The following PCCB variants were observed in gnomAD, a reference collection of about 807,000 sequenced individuals.
PCCB encodes the protein propionyl-CoA carboxylase beta chain, mitochondrial.
In PCCB, 43 loss-of-function variants were observed where a neutral mutation model predicts 60.7. That is an observed-to-expected ratio of 0.71 (90% CI 0.55 to 0.91). The LOEUF (loss-of-function observed/expected upper bound fraction) is 0.91, where lower values mean the gene tolerates loss of function less well. Among genes scored for constraint, PCCB ranks in the 40% least tolerant of loss-of-function variants. PCCB has a pLI of 0.00. For synonymous variants in PCCB, 276 were observed against 255.9 expected (o/e 1.08, Z -0.75); for missense variants, 766 against 702.8 (o/e 1.09, Z -1.02).
chr3:136,267,758 G>A (rs1038268456), intron 5 of PCCB, among the ~76,000 whole-genome samples: 3 of 152,184 alleles, frequency 2.0e-5, no homozygotes, highest in South Asian at 2.1e-4. Context: ...GAGTGCTGGT[G>A]TTACTGGCAT....
chr3:136,312,785 C>T (rs922390081), intron 9 of PCCB, among the ~76,000 whole-genome samples: 12 of 152,104 alleles, frequency 7.9e-5, no homozygotes, highest in Non-Finnish European at 1.8e-4. Flanking sequence ...TCCCACTCTT[C>T]ATAGCAAAAA....
At chr3:136,314,757 G>A (rs931158097) in intron 9 of PCCB, among the ~76,000 whole-genome samples, 1 of 152,196 alleles carries the variant, frequency 6.6e-6, no homozygotes, top group African/African-American at 2.4e-5. Flanking sequence ...CTGCTTGGTG[G>A]CTGCTAGGAT....
At chr3:136,298,334 A>G (rs1008299427) in intron 8 of PCCB, among the ~76,000 whole-genome samples, 19 of 152,002 alleles carry the variant, frequency 1.2e-4, no homozygotes, top group Non-Finnish European at 2.4e-4. Flanking sequence ...AAATTTTTTG[A>G]TTTCTAAGAA....
chr3:136,268,411 C>T (rs1942095811), intron 5 of PCCB, among the ~76,000 whole-genome samples: 1 of 148,626 alleles, frequency 6.7e-6, no homozygotes, highest in African/African-American at 2.5e-5. Context: ...ACCACACTGT[C>T]TTGATTACTG....
In PCCB at chr3:136,279,374, T is replaced by C. The variant is rs190596153; in HGVS notation, c.544-4463T>C. On this transcript the variant is annotated intron_variant, in intron 5 of 14. Transcript: ENST00000251654. ...TTTTTATGCCTCAGTTCCTCCATTATGGCCTTGGGGTGGTGATATTTAGTT... is the reference window on the plus strand; with the variant it reads ...TTTTTATGCCTCAGTTCCTCCATTACGGCCTTGGGGTGGTGATATTTAGTT... Among the ~76,000 whole-genome samples the C allele has an allele frequency of 2.0e-5, 3 of 152,348 alleles. No individual in the cohort carries two copies. In the East Asian group the frequency reaches 5.8e-4, roughly 29 times the overall value.
intron 9 of PCCB, among the ~76,000 whole-genome samples, chr3:136,301,422 G>C (rs1281536828): frequency 6.6e-6 from 1 of 152,130 alleles, no homozygotes; most frequent in South Asian, 2.1e-4. Context: ...AGAGTCTAGA[G>C]TGAGGCCAGA....
At chr3:136,281,309 T>A (rs1942468868) in intron 5 of PCCB, among the ~76,000 whole-genome samples, 1 of 152,144 alleles carries the variant, frequency 6.6e-6, no homozygotes, top group Non-Finnish European at 1.5e-5. Flanking sequence ...TTTCTCCTTT[T>A]CTTTTTTCTG....
At position 136,327,224 on chromosome 3, in the gene PCCB, C is replaced by G; in HGVS notation, c.1268C>G (p.Thr423Ser). Residue 423 changes from threonine to serine, a missense_variant, in exon 12 of 15, where the codon ACT (threonine) becomes AGT (serine). Thr to Ser is a moderately conservative substitution (Grantham distance 58). Coordinates refer to ENST00000251654, the MANE Select transcript of PCCB (RefSeq NM_000532.5). The part of the protein sequence containing the change: ...AKLLYAFAEA[T>S]VPKVTVITRK... ...CTTCTCTACGCATTTGCTGAGGCAA[C>G]TGTACCCAAAGTCACAGTCATCACC... 2 of 1,614,154 alleles carry G rather than the reference C, an allele frequency of 1.2e-6. No homozygotes were observed. The highest frequency in any genetic ancestry group is 1.7e-6 in the Non-Finnish European group (2 of 1,179,982).
intron 5 of PCCB, among the ~76,000 whole-genome samples, chr3:136,276,897 T>TG (rs1214490255): frequency 6.6e-6 from 1 of 152,198 alleles, no homozygotes; most frequent in African/African-American, 2.4e-5. Context: ...TTTTGTCCCA[T>TG]GGGGTATTCC....
chr3:136,273,385 A>G (rs1400683951), intron 5 of PCCB, among the ~76,000 whole-genome samples: 1 of 152,058 alleles, frequency 6.6e-6, no homozygotes, highest in Admixed American at 6.6e-5. Context: ...TTCTGTCTCA[A>G]CAAAAAGAGT....
In PCCB at chr3:136,266,278, G is replaced by GCA. The variant is rs1255942461; in HGVS notation, c.543+4214_543+4215insAC. 1.8e-4 allele frequency among the ~76,000 whole-genome samples: 28 copies of GCA among 151,956 alleles called. 1 individual carries two copies. Among genetic ancestry groups the GCA allele is most frequent in the Non-Finnish European group, 3.5e-4 (24 of 67,946 alleles). ...CGAGCAGCTGGGATTACAGGCATGT[G>GCA]CCACCATGGCTGGCTAATTTTGGTA... On this transcript the variant is annotated intron_variant, in intron 5 of 14. Coordinates refer to ENST00000251654, the MANE Select transcript of PCCB (RefSeq NM_000532.5).
At chr3:136,279,031 A>T (rs189142100) in intron 5 of PCCB, among the ~76,000 whole-genome samples, 9 of 152,210 alleles carry the variant, frequency 5.9e-5, no homozygotes, top group African/African-American at 2.2e-4. Context: ...TATTTTCTAG[A>T]TGTGAACCTT....
intron 1 of PCCB, chr3:136,252,473 C>G: frequency 2.8e-6 from 1 of 362,926 alleles, no homozygotes; most frequent in South Asian, 2.0e-5. Flanking sequence ...TCTTGAACTC[C>G]TGACCTCAGG....
chr3:136,268,065 C>CGTGT (rs111625326), intron 5 of PCCB, among the ~76,000 whole-genome samples: 1,940 of 78,294 alleles, frequency 0.025, 50 homozygotes, highest in African/African-American at 0.072. Flanking sequence ...TGTGTGTGTG[C>CGTGT]GTGTGTGTGT....
chr3:136,283,927 G>A lies in PCCB; in HGVS notation c.634G>A (p.Asp212Asn), dbSNP rs1420841667. 1 of 1,611,346 alleles carries A rather than the reference G, an allele frequency of 6.2e-7. No individual in the cohort carries two copies. The highest frequency in any genetic ancestry group is 1.3e-5 in the African/African-American group (1 of 74,862). ...GGCCGTCTACTCCCCAGCCCTAACA[G>A]ACTTCACGTTCATGGTAAAGGTAAG... ...GGAVYSPALT[D>N]FTFMVKDTSY... Residue 212 changes from aspartate (D) to asparagine (N), a missense_variant, in exon 6 of 15, where the codon GAC becomes AAC. Coordinates refer to ENST00000251654, the MANE Select transcript of PCCB (RefSeq NM_000532.5).
At chr3:136,320,285 G>A (rs1317837854) in intron 10 of PCCB, among the ~76,000 whole-genome samples, 1 of 152,206 alleles carries the variant, frequency 6.6e-6, no homozygotes, top group Non-Finnish European at 1.5e-5. Context: ...ATTACTCTGA[G>A]TAGTATTGAC....
chr3:136,256,388 C>A, intron 2 of PCCB, 167 bp from the exon 3 acceptor site: 1 of 666,364 alleles, frequency 1.5e-6, no homozygotes, highest in Non-Finnish European at 2.7e-6. Flanking sequence ...CCTGTGCTTG[C>A]TGTTGTAGAG....
chr3:136,304,681 G>C (rs1234519139), intron 9 of PCCB, among the ~76,000 whole-genome samples: 3 of 112,912 alleles, frequency 2.7e-5, no homozygotes, highest in African/African-American at 8.0e-5. Flanking sequence ...CACTGTGCCC[G>C]GCTGGCTTTC....
rs372617301 is a variant in PCCB at position 136,297,942 on chromosome 3, G to C, written c.764-10G>C. The C allele has an allele frequency of 1.9e-6, 3 of 1,613,962 alleles. No homozygotes were observed. The highest frequency in any genetic ancestry group is 1.6e-4 in the Middle Eastern group (1 of 6,084). ...CCTGACTCAATCATATATGCTCCCTGTTCTCTTAGGTGTGGCCCACAGAGC... is the reference window on the plus strand; with the variant it reads ...CCTGACTCAATCATATATGCTCCCTCTTCTCTTAGGTGTGGCCCACAGAGC... On this transcript the variant is annotated splice_polypyrimidine_tract_variant and intron_variant, in intron 7 of 14. Transcript: ENST00000251654.
Sources: allele counts gnomAD v4.1 joint callset (sites outside exome capture counted in the v4.1 genomes callset), GRCh38; gene constraint gnomAD v4.1.1; transcripts MANE v1.5; gene names NCBI Gene and HGNC (gene_info 2026-07-23, HGNC 2026-07-21).